SEMA3A: variants seen among roughly 807,000 people sequenced by gnomAD.
The protein encoded by SEMA3A is semaphorin 3A.
Under a neutral mutation model 97.9 loss-of-function variants are expected in SEMA3A, and 29 were observed. The ratio of observed to expected loss-of-function variants is 0.30; its 90% confidence interval spans 0.22 to 0.40. The LOEUF (loss-of-function observed/expected upper bound fraction) is 0.40. SEMA3A is among the 10% of genes least tolerant of loss of function. The pLI is 1.00. For synonymous variants in SEMA3A, 321 were observed against 323.7 expected (o/e 0.99, Z 0.09); for missense variants, 763 against 951.3 (o/e 0.80, Z 2.60).
rs1186109145 is a variant in SEMA3A, at chr7:84,122,215, A to T, written c.333+6908T>A. Among the ~76,000 whole-genome samples, 5 of 152,122 alleles carry T rather than the reference A, an allele frequency of 3.3e-5. No homozygotes were observed. The East Asian group carries it at 9.7e-4, about 30-fold the overall frequency. On this transcript the variant is annotated intron_variant, in intron 3 of 16. Transcript: ENST00000265362. Reference sequence around the variant, plus strand: ...AATATCCAGAATCTACAAAGAACTAAAACAAATTTACAAGAAAAAAGTCAA... The same window carrying T: ...AATATCCAGAATCTACAAAGAACTATAACAAATTTACAAGAAAAAAGTCAA...
At chr7:84,125,724 G>GGAGA (rs925788737) in intron 3 of SEMA3A, among the ~76,000 whole-genome samples, 2 of 152,116 alleles carry the variant, frequency 1.3e-5, no homozygotes, top group Admixed American at 6.6e-5. Flanking sequence ...AGATAGAGAG[G>GGAGA]GAGAGAGAGG....
At chr7:84,307,066 G>T (rs1801177689) in intron 3 of SEMA3A, 1 of 151,812 alleles carries the variant, frequency 6.6e-6, no homozygotes, top group Non-Finnish European at 1.5e-5. Flanking sequence ...TTCTACAGAA[G>T]ACTATATAAA....
At chr7:84,330,691 T>G (rs1160906581) in intron 2 of SEMA3A, among the ~76,000 whole-genome samples, 1 of 152,152 alleles carries the variant, frequency 6.6e-6, no homozygotes, top group African/African-American at 2.4e-5. Context: ...GTAGTTGTTT[T>G]TTATTTATTT....
intron 1 of SEMA3A, among the ~76,000 whole-genome samples, chr7:84,404,451 C>T (rs147994025): frequency 6.6e-6 from 1 of 151,830 alleles, no homozygotes; most frequent in Non-Finnish European, 1.5e-5. Flanking sequence ...GAGAATGGAA[C>T]CCAGTTGGAA....
At chr7:84,314,755 G>T (rs959301741) in intron 2 of SEMA3A, among the ~76,000 whole-genome samples, 1 of 152,158 alleles carries the variant, frequency 6.6e-6, no homozygotes, top group African/African-American at 2.4e-5. Context: ...GCTCAATCAA[G>T]CAATGCTTGT....
At chr7:84,420,213 T>C (rs147328897) in intron 1 of SEMA3A, among the ~76,000 whole-genome samples, 2,316 of 151,038 alleles carry the variant, frequency 0.015, 64 homozygotes, top group African/African-American at 0.053. Context: ...ACAGATACCA[T>C]CCCTGAGGAA....
rs1210984468 is a variant in SEMA3A, at chr7:84,295,572, T to C, written c.-83+11635A>G. Among the ~76,000 whole-genome samples the C allele has an allele frequency of 3.9e-5, 6 of 152,030 alleles. No homozygotes were observed. In the East Asian group the frequency reaches 1.2e-3, roughly 29 times the overall value. ...GACAAATCAGCCTGCCTTTCTTTTC[T>C]CAATTCTTTCGTCCTTATACTTAAA... On this transcript the variant is annotated intron_variant, in intron 3 of 3. Transcript: ENST00000424555.
intron 3 of SEMA3A, among the ~76,000 whole-genome samples, chr7:84,206,969 CAA>C (rs1474088659): frequency 6.6e-6 from 1 of 152,116 alleles, no homozygotes; most frequent in African/African-American, 2.4e-5. Flanking sequence ...CAATTATTTA[CAA>C]AGTCTTCCAA....
intron 3 of SEMA3A, among the ~76,000 whole-genome samples, chr7:84,114,268 A>C (rs577747258): frequency 1.8e-3 from 278 of 152,288 alleles, no homozygotes; most frequent in African/African-American, 6.2e-3. Context: ...TGGATGGAGC[A>C]GTTAAATTTT....
chr7:84,316,838 T>C (rs1463691124), intron 2 of SEMA3A, among the ~76,000 whole-genome samples: 1 of 152,190 alleles, frequency 6.6e-6, no homozygotes, highest in Non-Finnish European at 1.5e-5. Flanking sequence ...CCGATTAAAC[T>C]GCAGGATCTG....
chr7:83,965,465 C>T (rs10231403), intron 15 of SEMA3A, among the ~76,000 whole-genome samples: 1 of 150,396 alleles, frequency 6.6e-6, no homozygotes, highest in Non-Finnish European at 1.5e-5. Context: ...CTTGCATAAT[C>T]TGCTAAAGCT....
At chr7:84,081,686 T>C (rs377391764) in intron 4 of SEMA3A, among the ~76,000 whole-genome samples, 1 of 151,158 alleles carries the variant, frequency 6.6e-6, no homozygotes, top group Admixed American at 6.6e-5. Flanking sequence ...CTCTAAAAAC[T>C]ATGCAAGCAA....
chr7:84,062,443 C>T (rs374606724), intron 4 of SEMA3A, among the ~76,000 whole-genome samples: 2 of 152,204 alleles, frequency 1.3e-5, no homozygotes, highest in East Asian at 1.9e-4. Flanking sequence ...GGAACAGCTC[C>T]GGTCTACGGC....
chr7:84,307,991 T>C (rs1248306964), intron 2 of SEMA3A, among the ~76,000 whole-genome samples: 1 of 152,020 alleles, frequency 6.6e-6, no homozygotes, highest in Non-Finnish European at 1.5e-5. Context: ...GGATTTAATA[T>C]ATTTGAAAAA....
At chr7:84,109,977 G>C (rs1156054) in intron 4 of SEMA3A, among the ~76,000 whole-genome samples, 74,216 of 151,714 alleles carry the variant, frequency 0.49, 19,323 homozygotes, top group East Asian at 0.71. Flanking sequence ...AATTAATAAC[G>C]AAAAATATAC....
chr7:84,405,089 C>A (rs1164418579), intron 1 of SEMA3A, among the ~76,000 whole-genome samples: 3 of 152,100 alleles, frequency 2.0e-5, no homozygotes, highest in Non-Finnish European at 4.4e-5. Flanking sequence ...AATTAAAAGG[C>A]ACATAGTGGC....
At position 84,069,210 on chromosome 7, in the gene SEMA3A, A is replaced by C. The variant is rs898670833; in HGVS notation, c.454-8652T>G. ...AATAATGGGCTTTAAGGATGTTGAA[A>C]TCGGGCAGAACTGGGTGTTATCTCT... On this transcript the variant is annotated intron_variant, in intron 4 of 16. Transcript: ENST00000265362. Among the ~76,000 whole-genome samples the C allele has an allele frequency of 3.2e-4, 49 of 152,134 alleles. 1 individual carries two copies. Among genetic ancestry groups the C allele is most frequent in the Non-Finnish European group, 7.4e-5 (5 of 68,018 alleles).
intron 1 of SEMA3A, among the ~76,000 whole-genome samples, chr7:84,182,188 C>T (rs560651653): frequency 3.9e-5 from 6 of 152,170 alleles, no homozygotes; most frequent in East Asian, 1.9e-4. Flanking sequence ...AGGTGGTTCA[C>T]GGAATTAGTC....
At chr7:84,452,918 T>G (rs200985510) in intron 1 of SEMA3A, among the ~76,000 whole-genome samples, 4 of 152,132 alleles carry the variant, frequency 2.6e-5, no homozygotes, top group South Asian at 2.1e-4. Flanking sequence ...GGGCCTTTTT[T>G]GGGGGGGAAG....
Sources: gnomAD v4.1 joint callset for allele counts (sites outside exome capture counted in the v4.1 genomes callset) on GRCh38, gnomAD v4.1.1 for gene constraint, MANE v1.5 for transcripts, NCBI Gene and HGNC (gene_info 2026-07-23, HGNC 2026-07-21) for gene names.